UBXN2A: variants seen among roughly 807,000 people sequenced by gnomAD.
UBXN2A encodes the protein UBX domain protein 2A.
In UBXN2A, 28 loss-of-function variants were observed where a neutral mutation model predicts 28.4. That is an observed-to-expected ratio of 0.99 (90% CI 0.73 to 1.35). The LOEUF (loss-of-function observed/expected upper bound fraction) is 1.35, where lower values mean the gene tolerates loss of function less well. UBXN2A is among the 40% of genes most tolerant of loss of function. The pLI, the probability that UBXN2A is intolerant of heterozygous loss-of-function variation, is 0.00. For missense variants in UBXN2A, 253 were observed against 297.9 expected (o/e 0.85, Z 1.11); for synonymous variants, 97 against 103.6 (o/e 0.94, Z 0.39).
chr2:23,929,609 A>T (rs561336640), intron 1 of UBXN2A, among the ~76,000 whole-genome samples: 5 of 151,982 alleles, frequency 3.3e-5, no homozygotes, highest in African/African-American at 1.2e-4. Context: ...GCTATTTGGG[A>T]GGCTGAGGCA....
chr2:23,992,835 A>C (rs114628583), intron 6 of UBXN2A, among the ~76,000 whole-genome samples: 5 of 152,130 alleles, frequency 3.3e-5, no homozygotes, highest in Admixed American at 6.6e-5. Context: ...TTTAATTTCA[A>C]CGTATCTGTA....
At position 23,982,943 on chromosome 2, in the gene UBXN2A, A is replaced by G. The variant is rs1186114098; in HGVS notation, c.335A>G (p.Asp112Gly). The change falls in exon 5 of 7, where the codon GAC becomes GGC. Residue 112 changes from aspartate (D) to glycine (G), a missense_variant. Asp to Gly is a moderately conservative substitution (Grantham distance 94, BLOSUM62 -1). Transcript: ENST00000309033. ...GGAATTTTTGATAAAGAAGAGGTGG[A>G]CGTTAAAGTTGAAGACAAGAAAAAT... The part of the protein sequence containing the change: ...LQGIFDKEEV[D>G]VKVEDKKNEI... The G allele has an allele frequency of 1.2e-6, 2 of 1,611,022 alleles. No homozygotes were observed. Among genetic ancestry groups the G allele is most frequent in the Non-Finnish European group, 1.7e-6 (2 of 1,178,402 alleles).
intron 6 of UBXN2A, among the ~76,000 whole-genome samples, chr2:23,996,171 A>G (rs1023651763): frequency 1.3e-5 from 2 of 149,142 alleles, no homozygotes; most frequent in Admixed American, 1.4e-4. Flanking sequence ...GGTTCAAGTG[A>G]TTCTCCTGCC....
At chr2:23,942,279 G>C (rs573089273) in intron 1 of UBXN2A, among the ~76,000 whole-genome samples, 1 of 152,268 alleles carries the variant, frequency 6.6e-6, no homozygotes, top group African/African-American at 2.4e-5. Context: ...TCCCAAAGGA[G>C]AGAAGAAAGG....
Position 23,951,429 on chromosome 2 carries a change from T to G in UBXN2A, c.-14-6872T>G, listed in dbSNP as rs1396121533. Among the ~76,000 whole-genome samples, 195 of 32,718 alleles carry G rather than the reference T, an allele frequency of 6.0e-3. 4 individuals carry two copies. Among genetic ancestry groups the G allele is most frequent in the African/African-American group, 0.011 (136 of 11,866 alleles). The allele number at this position is 32,718 out of a possible 152,430, so 21.5% of individuals were successfully genotyped here. A position where few individuals can be genotyped will look rare whatever the true frequency, so the allele number is the denominator to read the frequency against. On this transcript the variant is annotated intron_variant, in intron 1 of 6. Transcript: ENST00000309033. ...AGTAAGATGGATATATATATATATA[T>G]ATATATATATATATATATATATATA...
rs1708711315 is a variant in UBXN2A, at chr2:24,000,831, A to G, written c.*964A>G. 6.6e-6 allele frequency: 1 copy of G among 152,182 alleles called. No individual in the cohort carries two copies. The highest frequency in any genetic ancestry group is 1.5e-5 in the Non-Finnish European group (1 of 68,034). The allele number at this position is 152,182 out of a possible 1,614,324, so 9.4% of individuals were successfully genotyped here. A position where few individuals can be genotyped will look rare whatever the true frequency, so the allele number is the denominator to read the frequency against. ...AGAAAATTATCTTTCTAAAAAGCCT[A>G]TTCCCTTTCCATTTTATTTTCTTTC... On this transcript the variant is annotated 3_prime_UTR_variant, in exon 7 of 7. Coordinates refer to ENST00000309033, the MANE Select transcript of UBXN2A (RefSeq NM_181713.4).
chr2:23,982,379 A>AG (rs1242849213), intron 4 of UBXN2A, among the ~76,000 whole-genome samples: 2 of 152,030 alleles, frequency 1.3e-5, no homozygotes, highest in African/African-American at 2.4e-5. Context: ...AAAAAAAAAA[A>AG]AGTTTACAAA....
intron 1 of UBXN2A, among the ~76,000 whole-genome samples, chr2:23,941,493 T>C (rs1705755000): frequency 6.6e-6 from 1 of 152,196 alleles, no homozygotes; most frequent in Admixed American, 6.5e-5. Context: ...AAAAAATGTG[T>C]GCAGGAGGGA....
At chr2:23,943,420 TTAA>T (rs1477351232) in intron 1 of UBXN2A, among the ~76,000 whole-genome samples, 1 of 152,104 alleles carries the variant, frequency 6.6e-6, no homozygotes, top group African/African-American at 2.4e-5. Context: ...TCTTCTCATG[TTAA>T]TAATTTTATA....
At chr2:23,954,930 C>T (rs1706543044) in intron 1 of UBXN2A, among the ~76,000 whole-genome samples, 1 of 131,316 alleles carries the variant, frequency 7.6e-6, no homozygotes, top group South Asian at 2.6e-4. Context: ...AGCTTGCCTA[C>T]CTTTTTTTTT....
chr2:23,931,158 A>T (rs1705355394), intron 1 of UBXN2A, among the ~76,000 whole-genome samples: 1 of 152,042 alleles, frequency 6.6e-6, no homozygotes, highest in African/African-American at 2.4e-5. Context: ...TCTCAAAAAA[A>T]AAAGGGGGGC....
At chr2:23,949,087 T>G (rs1166014840) in intron 1 of UBXN2A, among the ~76,000 whole-genome samples, 1 of 151,268 alleles carries the variant, frequency 6.6e-6, no homozygotes, top group Non-Finnish European at 1.5e-5. Flanking sequence ...ACTACAGGCG[T>G]GTGCTACCAA....
In UBXN2A at chr2:23,928,706, G is replaced by A. The variant is rs539192314; in HGVS notation, c.-138+1091G>A. On this transcript the variant is annotated intron_variant, in intron 1 of 7. Coordinates refer to the UBXN2A transcript ENST00000404924. ...GAAAAGTCCTGAAAATGACCAAATGGCATCAAACTTAGAGCATTCTGGCCA... is the reference window on the plus strand; with the variant it reads ...GAAAAGTCCTGAAAATGACCAAATGACATCAAACTTAGAGCATTCTGGCCA... 5.3e-5 allele frequency among the ~76,000 whole-genome samples: 8 copies of A among 152,296 alleles called. No homozygotes were observed. The East Asian group carries it at 1.4e-3, about 26-fold the overall frequency.
At chr2:23,962,695 T>C (rs1265750623) in intron 2 of UBXN2A, among the ~76,000 whole-genome samples, 3 of 148,774 alleles carry the variant, frequency 2.0e-5, no homozygotes, top group Non-Finnish European at 4.4e-5. Context: ...AGCCTCAGCC[T>C]CCTGGGTTCA....
At chr2:23,980,713 C>T (rs549828176) in intron 4 of UBXN2A, among the ~76,000 whole-genome samples, 6 of 152,118 alleles carry the variant, frequency 3.9e-5, no homozygotes, top group East Asian at 1.9e-4. Context: ...CTGTAACCTC[C>T]GCCTCCCAGG....
In UBXN2A at chr2:23,976,949, T is replaced by C; in HGVS notation, c.181-20T>C. The C allele has an allele frequency of 6.4e-7, 1 of 1,572,440 alleles. No individual in the cohort carries two copies. Among genetic ancestry groups the C allele is most frequent in the South Asian group, 1.1e-5 (1 of 89,946 alleles). On this transcript the variant is annotated intron_variant, in intron 3 of 6. Transcript: ENST00000309033. ...TACATTTTATTAACATGACGCATTT[T>C]GTTTCCTACTGTTTTGCAGGTAGAT... is the stretch of plus-strand genomic sequence containing the variant.
At chr2:23,929,410 AT>A (rs1375626619) in intron 1 of UBXN2A, among the ~76,000 whole-genome samples, 1 of 149,670 alleles carries the variant, frequency 6.7e-6, no homozygotes, top group Non-Finnish European at 1.5e-5. Flanking sequence ...TCAAAAAAAT[AT>A]TTAAAAAAAA....
chr2:23,941,514 A>G (rs562165451), intron 1 of UBXN2A, among the ~76,000 whole-genome samples: 2 of 152,232 alleles, frequency 1.3e-5, no homozygotes, highest in South Asian at 4.1e-4. Context: ...GTGGTTAAGC[A>G]CACTAATGAT....
intron 1 of UBXN2A, among the ~76,000 whole-genome samples, chr2:23,941,576 T>C (rs1323628897): frequency 6.6e-6 from 1 of 152,220 alleles, no homozygotes; most frequent in African/African-American, 2.4e-5. Context: ...TACTGAGCAG[T>C]TGTTTTCAGC....
Sources: allele counts gnomAD v4.1 joint callset (sites outside exome capture counted in the v4.1 genomes callset), GRCh38; gene constraint gnomAD v4.1.1; transcripts MANE v1.5; gene names NCBI Gene and HGNC (gene_info 2026-07-23, HGNC 2026-07-21).